Variants in PCDHGA4 observed in about 807,000 individuals in gnomAD.
PCDHGA4 encodes protocadherin gamma-A4.
PCDHGA4 carries 38 observed loss-of-function variants against 54.6 expected under a neutral mutation model. That is an observed-to-expected ratio of 0.70 (90% confidence interval 0.54 to 0.91). PCDHGA4 has a LOEUF of 0.91. PCDHGA4 is among the 40% of genes least tolerant of loss of function. The pLI, the probability that PCDHGA4 is intolerant of heterozygous loss-of-function variation, is 0.00. For missense variants in PCDHGA4, 1,298 were observed against 1,220.9 expected, an observed-to-expected ratio of 1.06 and a Z score of -0.94; for synonymous variants, 511 against 512.9, an observed-to-expected ratio of 1.00 and a Z score of 0.05.
At chr5:141,510,322 A>G (rs62379243) in intron 3 of PCDHGA4, among the ~76,000 whole-genome samples, 36,300 of 150,290 alleles carry the variant, frequency 0.24, 4,456 homozygotes, top group Admixed American at 0.32. Flanking sequence ...TTGGAAGAGC[A>G]CTCTTCACCC....
rs61612330 is a variant in PCDHGA4, at chr5:141,454,796, A to ATTTTTTTTTTTTTTTTTTTTTTTTTT, written c.2515-40007_2515-39982dup. Among the ~76,000 whole-genome samples, 3 of 77,456 alleles carry ATTTTTTTTTTTTTTTTTTTTTTTTTT rather than the reference A, an allele frequency of 3.9e-5. 1 individual carries two copies. The highest frequency in any genetic ancestry group is 1.2e-4 in the African/African-American group (2 of 16,882). 50.8% of individuals were successfully genotyped at this position (77,456 alleles called of 152,430 possible). A position where few individuals can be genotyped will look rare whatever the true frequency, so the allele number is the denominator to read the frequency against. On this transcript the variant is annotated intron_variant, in intron 1 of 3. Transcript: ENST00000571252. Reference sequence around the variant, plus strand: ...AAGGAAATAATCCTCCATGGTTCTAATTTTTTTTTTTTTTTTTTTTTTTTT... The same window carrying ATTTTTTTTTTTTTTTTTTTTTTTTTT: ...AAGGAAATAATCCTCCATGGTTCTAATTTTTTTTTTTTTTTTTTTTTTTTTTTTTTTTTTTTTTTTTTTTTTTTTTT...
intron 1 of PCDHGA4, chr5:141,398,933 A>C: frequency 1.2e-6 from 2 of 1,614,010 alleles, no homozygotes; most frequent in Non-Finnish European, 1.7e-6. Context: ...GCCACTGACC[A>C]AGACGAGGGC....
At chr5:141,380,577 C>T (rs187039576) in intron 1 of PCDHGA4, among the ~76,000 whole-genome samples, 268 of 152,102 alleles carry the variant, frequency 1.8e-3, no homozygotes, top group African/African-American at 5.8e-3. Flanking sequence ...CATATCTTGG[C>T]GGTCTAGTAA....
chr5:141,505,326 G>A, intron 2 of PCDHGA4, 67 bp from the exon 3 acceptor site: 2 of 1,607,648 alleles, frequency 1.2e-6, no homozygotes, highest in East Asian at 2.2e-5. Context: ...AGCCCTGGGA[G>A]AGGACAGGAG....
chr5:141,371,629 G>A (rs749054700), intron 1 of PCDHGA4: 6 of 1,613,866 alleles, frequency 3.7e-6, no homozygotes, highest in South Asian at 1.1e-5. Context: ...GCCCTGGACC[G>A]GGAGCAGATC....
chr5:141,440,481 T>C (rs1451820594), intron 1 of PCDHGA4: 1 of 152,196 alleles, frequency 6.6e-6, no homozygotes, highest in African/African-American at 2.4e-5. Context: ...GAAAATTCTT[T>C]AAATGTTTTT....
intron 1 of PCDHGA4, among the ~76,000 whole-genome samples, chr5:141,368,739 A>G (rs1261663293): frequency 6.6e-6 from 1 of 152,196 alleles, no homozygotes; most frequent in Non-Finnish European, 1.5e-5. Context: ...TATATACCAT[A>G]TACTTTTAAA....
Position 141,372,293 on chromosome 5 carries a change from C to A in PCDHGA4, c.2514+14672C>A, listed in dbSNP as rs779422890. Reference sequence around the variant, plus strand: ...AGGTGCGCACGGCGCGTACCTTGGGCGACAGGGAGGCCGCCCGCCAGCGCC... The same window carrying A: ...AGGTGCGCACGGCGCGTACCTTGGGAGACAGGGAGGCCGCCCGCCAGCGCC... On this transcript the variant is annotated intron_variant, in intron 1 of 3. Coordinates refer to ENST00000571252, the MANE Select transcript of PCDHGA4 (RefSeq NM_018917.4). 1.9e-6 allele frequency: 3 copies of A among 1,613,106 alleles called. No homozygotes were observed. In the East Asian group the frequency reaches 6.7e-5, roughly 36 times the overall value.
chr5:141,483,786 C>T (rs2099587125), intron 1 of PCDHGA4, among the ~76,000 whole-genome samples: 1 of 152,136 alleles, frequency 6.6e-6, no homozygotes, highest in African/African-American at 2.4e-5. Context: ...AGGATAAGAA[C>T]TCCAGTTGTT....
At chr5:141,435,024 C>T (rs1263332887) in intron 1 of PCDHGA4, among the ~76,000 whole-genome samples, 3 of 151,970 alleles carry the variant, frequency 2.0e-5, no homozygotes, top group Non-Finnish European at 4.4e-5. Context: ...ATGCTCTTTT[C>T]CCACTTTTAT....
Position 141,382,148 on chromosome 5 carries a change from G to T in PCDHGA4, c.2514+24527G>T, listed in dbSNP as rs368948292. 1.1e-3 allele frequency among the ~76,000 whole-genome samples: 162 copies of T among 151,932 alleles called. 4 individuals are homozygous for T. In the South Asian group the frequency reaches 0.024, roughly 23 times the overall value. Reference sequence around the variant, plus strand: ...TGGCCCCCCCTCTCATTTTTTAAACGGTTAAAATGAAGGTGTTAGACCGTC... The same window carrying T: ...TGGCCCCCCCTCTCATTTTTTAAACTGTTAAAATGAAGGTGTTAGACCGTC... On this transcript the variant is annotated intron_variant, in intron 1 of 3. Coordinates refer to ENST00000571252, the MANE Select transcript of PCDHGA4 (RefSeq NM_018917.4).
Position 141,491,590 on chromosome 5 carries a change from G to A in PCDHGA4, c.2515-3217G>A, listed in dbSNP as rs376104513. ...GACGTGCTTTTCACCGGCCTCGGAC[G>A]GCAGTGACTTCACTTTTCTAAGACC... On this transcript the variant is annotated intron_variant, in intron 1 of 3. Transcript: ENST00000571252. The surrounding 1 kb of genome is among the most constrained non-coding windows in gnomAD (Gnocchi z 6.9). 15 of 1,613,828 alleles carry A rather than the reference G, an allele frequency of 9.3e-6. No homozygotes were observed. In the African/African-American group the frequency reaches 2.0e-4, roughly 22 times the overall value.
At chr5:141,510,447 C>T (rs1270073364) in intron 3 of PCDHGA4, among the ~76,000 whole-genome samples, 1 of 152,026 alleles carries the variant, frequency 6.6e-6, no homozygotes, top group Non-Finnish European at 1.5e-5. Flanking sequence ...CTCCAGGAGC[C>T]CATGGTCTAG....
chr5:141,421,527 GTCC>G (rs2096581302), intron 1 of PCDHGA4: 1 of 1,614,050 alleles, frequency 6.2e-7, no homozygotes, highest in African/African-American at 1.3e-5. Flanking sequence ...GTGAGACGGT[GTCC>G]TCCTGTTTTT....
chr5:141,441,737 C>CG, intron 1 of PCDHGA4: 1 of 365,242 alleles, frequency 2.7e-6, no homozygotes, highest in South Asian at 2.2e-5. Flanking sequence ...AGGACTAGCT[C>CG]GCGCTCGGCG....
intron 1 of PCDHGA4, chr5:141,370,178 C>T (rs1214381916): frequency 2.6e-5 from 12 of 463,756 alleles, no homozygotes; most frequent in Non-Finnish European, 4.5e-5. Context: ...CGCCGGGTGC[C>T]GCTCTTGGCT....
intron 1 of PCDHGA4, among the ~76,000 whole-genome samples, chr5:141,382,554 T>C (rs1388983108): frequency 6.6e-6 from 1 of 152,216 alleles, no homozygotes; most frequent in African/African-American, 2.4e-5. Flanking sequence ...CAGGGATATC[T>C]AGAGCAAAGA....
At chr5:141,442,294 C>A (rs1194203452) in intron 1 of PCDHGA4, 1 of 152,584 alleles carries the variant, frequency 6.6e-6, no homozygotes, top group Admixed American at 6.5e-5. Context: ...ATGATCCTGT[C>A]TGAGTCTTTC....
At chr5:141,423,702 C>T in intron 1 of PCDHGA4, 4 of 1,340,970 alleles carry the variant, frequency 3.0e-6, no homozygotes, top group South Asian at 1.6e-5. Flanking sequence ...GGTGTCTTGG[C>T]ACAAGTCTTT....
Sources: allele counts gnomAD v4.1 joint callset (sites outside exome capture counted in the v4.1 genomes callset), GRCh38; gene constraint gnomAD v4.1.1; non-coding constraint Gnocchi (gnomAD v3.1); transcripts MANE v1.5; gene names NCBI Gene and HGNC (gene_info 2026-07-23, HGNC 2026-07-21).